Variants in FAM91A1 observed in about 807,000 individuals in gnomAD.
The protein encoded by FAM91A1 is protein FAM91A1.
A neutral mutation model predicts 113.5 loss-of-function variants in FAM91A1; 41 were observed. The observed-to-expected ratio is 0.36, with a 90% CI of 0.28 to 0.47. The LOEUF is 0.47. FAM91A1 is among the 20% of genes least tolerant of loss of function. The pLI, the probability that FAM91A1 is intolerant of heterozygous loss-of-function variation, is 1.00. For missense variants in FAM91A1, 696 were observed against 1,001.2 expected, an observed-to-expected ratio of 0.70 and a Z score of 4.11; for synonymous variants, 307 against 347.9, an observed-to-expected ratio of 0.88 and a Z score of 1.31.
chr8:123,806,571 C>T (rs1357123952), intron 20 of FAM91A1, among the ~76,000 whole-genome samples: 2 of 152,078 alleles, frequency 1.3e-5, no homozygotes, highest in Non-Finnish European at 2.9e-5. Flanking sequence ...AATAGTTTTT[C>T]CCTTTCAACT....
chr8:123,799,860 T>C lies in FAM91A1; in HGVS notation c.1784T>C (p.Leu595Ser), dbSNP rs1298070558. The C allele has an allele frequency of 6.3e-7, 1 of 1,599,988 alleles. No homozygotes were observed. The highest frequency in any genetic ancestry group is 2.2e-5 in the East Asian group (1 of 44,548). The change falls in exon 18 of 24, where the codon TTA becomes TCA. Residue 595 changes from leucine (L) to serine (S), a missense_variant. Transcript: ENST00000334705. ...SNVLTMLNDA[L>S]THSAVLIQGH... ...GTGCTCACGATGTTGAATGATGCTT[T>C]AACACATTCTGCAGTTTTAATTCAG...
chr8:123,812,406 T>C (rs896838712), intron 23 of FAM91A1, 113 bp from the exon 24 acceptor site: 2 of 869,904 alleles, frequency 2.3e-6, no homozygotes, highest in Admixed American at 5.7e-5. Flanking sequence ...CCTGTACTGC[T>C]TTGCAATCCA....
chr8:123,791,679 C>T (rs1391984387), intron 15 of FAM91A1, among the ~76,000 whole-genome samples: 4 of 152,108 alleles, frequency 2.6e-5, no homozygotes, highest in Non-Finnish European at 4.4e-5. Flanking sequence ...ATCTGAATTG[C>T]AGAACATGGA....
intron 15 of FAM91A1, among the ~76,000 whole-genome samples, chr8:123,790,821 A>T (rs932129032): frequency 1.3e-5 from 2 of 152,208 alleles, no homozygotes; most frequent in African/African-American, 4.8e-5. Context: ...AGATTGTTAC[A>T]TACTGGGGCT....
intron 3 of FAM91A1, among the ~76,000 whole-genome samples, chr8:123,776,060 C>T (rs1814977278): frequency 6.6e-6 from 1 of 152,170 alleles, no homozygotes; most frequent in South Asian, 2.1e-4. Context: ...TTATATAATA[C>T]AGGTGCCAGA....
intron 1 of FAM91A1, among the ~76,000 whole-genome samples, chr8:123,770,921 T>G (rs1441460703): frequency 6.6e-6 from 1 of 152,186 alleles, no homozygotes; most frequent in Non-Finnish European, 1.5e-5. Flanking sequence ...AATCACTGCT[T>G]CCCTAGGCCG....
At chr8:123,800,029 C>A in intron 18 of FAM91A1, 144 bp downstream of exon 18, 1 of 750,322 alleles carries the variant, frequency 1.3e-6, no homozygotes, top group Non-Finnish European at 2.0e-6. Context: ...GGATTTTAGT[C>A]CTGGCCGTTT....
chr8:123,784,165 C>G (rs984408997), intron 8 of FAM91A1, among the ~76,000 whole-genome samples: 1 of 152,214 alleles, frequency 6.6e-6, no homozygotes, highest in Non-Finnish European at 1.5e-5. Flanking sequence ...CATTCTGAAG[C>G]AGCCCCTGTT....
chr8:123,768,731 G>T lies in FAM91A1; in HGVS notation c.29G>T (p.Arg10Leu), dbSNP rs761599272. The T allele has an allele frequency of 6.2e-7, 1 of 1,611,246 alleles. No individual in the cohort carries two copies. Among genetic ancestry groups the T allele is most frequent in the Non-Finnish European group, 8.5e-7 (1 of 1,178,744 alleles). ...AACATAGACGTGGAGTTCCACATCC[G>T]GCACAACTACCCCTGGAACAAGTTG... MNIDVEFHI[R>L]HNYPWNKLPA... is the part of the protein sequence containing the mutation. The change falls in exon 1 of 24, where the codon CGG becomes CTG. Residue 10 changes from arginine (R) to leucine (L), a missense_variant. Physicochemically the swap from Arg to Leu is moderately radical, Grantham distance 102 (BLOSUM62 -2). Coordinates refer to ENST00000334705, the MANE Select transcript of FAM91A1 (RefSeq NM_144963.4).
chr8:123,777,200 A>G, intron 3 of FAM91A1, 65 bp from the exon 4 acceptor site: 1 of 1,083,268 alleles, frequency 9.2e-7, no homozygotes, highest in Admixed American at 1.9e-5. Flanking sequence ...ATAATATTGT[A>G]TTTATACACA....
chr8:123,805,365 C>CTTTTT, intron 19 of FAM91A1, 26 bp downstream of exon 19: 1 of 1,257,276 alleles, frequency 8.0e-7, no homozygotes, highest in African/African-American at 1.6e-5. Flanking sequence ...TATCTATTGA[C>CTTTTT]TTTTTTTTTT....
chr8:123,791,459 C>T (rs1815383659), intron 15 of FAM91A1, among the ~76,000 whole-genome samples: 1 of 151,974 alleles, frequency 6.6e-6, no homozygotes, highest in Non-Finnish European at 1.5e-5. Flanking sequence ...AAATCTAAAC[C>T]TATTCTCTAT....
intron 9 of FAM91A1, 179 bp downstream of exon 9, chr8:123,784,755 TTAA>T (rs1815211584): frequency 2.3e-6 from 1 of 441,638 alleles, no homozygotes; most frequent in Non-Finnish European, 3.8e-6. Flanking sequence ...AAAATTTAAG[TTAA>T]TAATTTATAG....
chr8:123,798,069 G>T (rs1482900732), intron 15 of FAM91A1, 21 bp from the exon 16 acceptor site: 2 of 1,603,482 alleles, frequency 1.2e-6, no homozygotes, highest in African/African-American at 2.7e-5. Context: ...TATTCTGTGT[G>T]TGTGCTTGAT....
intron 6 of FAM91A1, 109 bp downstream of exon 6, chr8:123,778,881 A>C: frequency 2.7e-6 from 2 of 731,592 alleles, no homozygotes; most frequent in Non-Finnish European, 4.1e-6. Flanking sequence ...TCCTGAAGAA[A>C]AGGAAACTTA....
chr8:123,805,200 A>T, intron 18 of FAM91A1, 67 bp from the exon 19 acceptor site: 1 of 1,218,688 alleles, frequency 8.2e-7, no homozygotes, highest in Non-Finnish European at 1.2e-6. Flanking sequence ...AATCTTATTT[A>T]CTTTTGAATA....
intron 1 of FAM91A1, among the ~76,000 whole-genome samples, chr8:123,769,434 G>A (rs1814786600): frequency 1.3e-5 from 2 of 152,324 alleles, no homozygotes; most frequent in East Asian, 1.9e-4. Context: ...TAGCAGATGA[G>A]CCTGGAAAAG....
chr8:123,812,769 T>C lies in FAM91A1; in HGVS notation c.*65T>C, dbSNP rs1363170785. On this transcript the variant is annotated 3_prime_UTR_variant, in exon 24 of 24. Transcript: ENST00000334705. ...TTCTTTCTTAACGTTAGCTTTATAG[T>C]GTCAGCCACTAAAAAGCATCCTGCT... The C allele has an allele frequency of 1.1e-5, 15 of 1,317,822 alleles. No homozygotes were observed. Among genetic ancestry groups the C allele is most frequent in the South Asian group, 7.3e-5 (4 of 54,726 alleles). The allele number at this position is 1,317,822 out of a possible 1,614,324, so 81.6% of individuals were successfully genotyped here.
At chr8:123,772,170 C>G (rs1814862149) in intron 1 of FAM91A1, among the ~76,000 whole-genome samples, 1 of 152,104 alleles carries the variant, frequency 6.6e-6, no homozygotes, top group Non-Finnish European at 1.5e-5. Context: ...TTTGTGTTCA[C>G]TCGTGTATTG....
Sources: gnomAD v4.1 joint callset for allele counts (sites outside exome capture counted in the v4.1 genomes callset) on GRCh38, gnomAD v4.1.1 for gene constraint, MANE v1.5 for transcripts, NCBI Gene and HGNC (gene_info 2026-07-23, HGNC 2026-07-21) for gene names.